GALNT18: variants seen among roughly 807,000 people sequenced by gnomAD.
GALNT18 encodes GalNAc-transferase 18.
A neutral mutation model predicts 69.5 loss-of-function variants in GALNT18; 44 were observed. The ratio of observed to expected loss-of-function variants is 0.63; its 90% CI spans 0.50 to 0.81. GALNT18 has a LOEUF of 0.81. GALNT18 is among the 40% of genes least tolerant of loss of function. GALNT18 has a pLI of 0.00. For missense variants in GALNT18, 715 were observed against 810.0 expected (o/e 0.88, Z 1.42); for synonymous variants, 364 against 318.2 (o/e 1.14, Z -1.53).
At chr11:11,381,745 G>A (rs921026403) in intron 3 of GALNT18, among the ~76,000 whole-genome samples, 1 of 152,126 alleles carries the variant, frequency 6.6e-6, no homozygotes, top group East Asian at 1.9e-4. Context: ...TGAGGCCCTC[G>A]TGGATCCTTC....
chr11:11,412,395 C>T (rs543206190), intron 3 of GALNT18, among the ~76,000 whole-genome samples: 3 of 152,172 alleles, frequency 2.0e-5, no homozygotes, highest in Non-Finnish European at 4.4e-5. Context: ...AGCTTTGGAT[C>T]CCCGATCCCT....
At chr11:11,297,733 G>A (rs776404149) in intron 9 of GALNT18, among the ~76,000 whole-genome samples, 10 of 152,110 alleles carry the variant, frequency 6.6e-5, no homozygotes, top group Non-Finnish European at 8.8e-5. Context: ...GCCTGTGGAC[G>A]TCTTACAAAC....
chr11:11,532,382 C>A (rs1011910934), intron 1 of GALNT18, among the ~76,000 whole-genome samples: 6 of 152,194 alleles, frequency 3.9e-5, no homozygotes, highest in Non-Finnish European at 1.5e-5. Flanking sequence ...GATAACTATC[C>A]TGAAGGCACA....
At position 11,494,857 on chromosome 11, in the gene GALNT18, A is replaced by G. The variant is rs567337907; in HGVS notation, c.236-45921T>C. Among the ~76,000 whole-genome samples, 2 of 152,336 alleles carry G rather than the reference A, an allele frequency of 1.3e-5. No individual in the cohort carries two copies. Among genetic ancestry groups the G allele is most frequent in the Admixed American group, 6.5e-5 (1 of 15,302 alleles). On this transcript the variant is annotated intron_variant, in intron 1 of 10. Transcript: ENST00000227756. This position sits in a 1 kb window ranked among gnomAD's most constrained non-coding sequence, Gnocchi z 5.7. ...GTATTTTAATCTTACAACTCCAACC[A>G]TGATCATCTGGGAGTGTTGCAAATC...
At chr11:11,294,696 G>T (rs1849365384) in intron 9 of GALNT18, among the ~76,000 whole-genome samples, 1 of 152,040 alleles carries the variant, frequency 6.6e-6, no homozygotes, top group Non-Finnish European at 1.5e-5. Flanking sequence ...GCTGTAGTTT[G>T]GGTCTGGTCT....
At chr11:11,357,553 T>A (rs1850557099) in intron 6 of GALNT18, among the ~76,000 whole-genome samples, 3 of 152,246 alleles carry the variant, frequency 2.0e-5, no homozygotes, top group Non-Finnish European at 4.4e-5. Flanking sequence ...TTCTTATGGC[T>A]GTGTCTAATG....
At chr11:11,478,574 A>G (rs1856451954) in intron 1 of GALNT18, among the ~76,000 whole-genome samples, 1 of 152,240 alleles carries the variant, frequency 6.6e-6, no homozygotes, top group African/African-American at 2.4e-5. Context: ...CTGGAAACCA[A>G]ATGAAATGAA....
intron 10 of GALNT18, among the ~76,000 whole-genome samples, chr11:11,283,042 C>T (rs188730554): frequency 6.6e-6 from 1 of 152,166 alleles, no homozygotes; most frequent in East Asian, 1.9e-4. Context: ...AGGAGGTGGC[C>T]CACGGCAGAA....
At chr11:11,589,729 C>G (rs1859308874) in intron 1 of GALNT18, among the ~76,000 whole-genome samples, 1 of 152,180 alleles carries the variant, frequency 6.6e-6, no homozygotes, top group South Asian at 2.1e-4. Flanking sequence ...CACTGAGCAC[C>G]ACATAAGCCA....
intron 7 of GALNT18, among the ~76,000 whole-genome samples, chr11:11,333,503 C>T (rs1056529168): frequency 3.3e-5 from 5 of 152,130 alleles, no homozygotes; most frequent in African/African-American, 1.2e-4. Context: ...AACTAATAAA[C>T]GGTGGAGCTG....
intron 3 of GALNT18, among the ~76,000 whole-genome samples, chr11:11,423,452 G>C (rs1855058434): frequency 6.6e-6 from 1 of 152,140 alleles, no homozygotes; most frequent in Non-Finnish European, 1.5e-5. Context: ...CTAAAGCATG[G>C]CTGCCAACTG....
At chr11:11,359,653 C>G (rs1387713355) in intron 6 of GALNT18, among the ~76,000 whole-genome samples, 1 of 152,168 alleles carries the variant, frequency 6.6e-6, no homozygotes, top group East Asian at 1.9e-4. Flanking sequence ...GATTTAGGCC[C>G]CAGCACTCCT....
rs971076169 is a variant in GALNT18, at chr11:11,340,339, C to T, written c.1278+480G>A. 7.9e-5 allele frequency among the ~76,000 whole-genome samples: 12 copies of T among 152,198 alleles called. No individual in the cohort carries two copies. The highest frequency in any genetic ancestry group is 1.6e-4 in the Non-Finnish European group (11 of 68,042). On this transcript the variant is annotated intron_variant, in intron 7 of 10. Coordinates refer to ENST00000227756, the MANE Select transcript of GALNT18 (RefSeq NM_198516.3). The surrounding 1 kb of genome is among the most constrained non-coding windows in gnomAD (Gnocchi z 4.2). ...GTAGGTGTGCCCCCATCCCCATACA[C>T]GTGGCTCAAGAAACCTGAAAGGCAT...
intron 3 of GALNT18, among the ~76,000 whole-genome samples, chr11:11,416,615 G>A (rs1360357047): frequency 2.0e-5 from 3 of 152,202 alleles, no homozygotes; most frequent in Non-Finnish European, 4.4e-5. Context: ...CTGGATGAGA[G>A]AAGCACGGGG....
Position 11,347,038 on chromosome 11 carries a change from C to T in GALNT18, c.1093-6034G>A. On this transcript the variant is annotated intron_variant, in intron 6 of 10. Transcript: ENST00000227756. The surrounding 1 kb of genome is among the most constrained non-coding windows in gnomAD (Gnocchi z 4.0). ...AGTGGGTTCTCAGGGAGGCTCAGAT[C>T]ACTTTCTTATCCCAGGCTGAGGAGC... Among the ~76,000 whole-genome samples the T allele has an allele frequency of 6.6e-6, 1 of 152,156 alleles. No homozygotes were observed. Among genetic ancestry groups the T allele is most frequent in the South Asian group, 2.1e-4 (1 of 4,822 alleles).
intron 1 of GALNT18, among the ~76,000 whole-genome samples, chr11:11,557,114 A>G (rs540306380): frequency 6.6e-6 from 1 of 152,238 alleles, no homozygotes; most frequent in Admixed American, 6.5e-5. Flanking sequence ...AGCTGTCTTT[A>G]TGCTGTTTTA....
At position 11,591,649 on chromosome 11, in the gene GALNT18, C is replaced by T. The variant is rs1355283430; in HGVS notation, c.235+29710G>A. 6.6e-6 allele frequency among the ~76,000 whole-genome samples: 1 copy of T among 152,128 alleles called. No homozygotes were observed. The highest frequency in any genetic ancestry group is 1.5e-5 in the Non-Finnish European group (1 of 68,012). The stretch of plus-strand genomic sequence containing the variant: ...TTTAAAACAACTTTATGGAAATGCT[C>T]CCTCCTGGGTGAATGTATGTGGTTA... On this transcript the variant is annotated intron_variant, in intron 1 of 10. Transcript: ENST00000227756. The surrounding 1 kb of genome is among the most constrained non-coding windows in gnomAD (Gnocchi z 4.8).
At chr11:11,407,643 G>T (rs34705364) in intron 3 of GALNT18, among the ~76,000 whole-genome samples, 1 of 152,188 alleles carries the variant, frequency 6.6e-6, no homozygotes, top group Non-Finnish European at 1.5e-5. Flanking sequence ...CCCAGTAACC[G>T]TGTTATCCCA....
chr11:11,469,206 C>G lies in GALNT18; in HGVS notation c.236-20270G>C, dbSNP rs536115052. Among the ~76,000 whole-genome samples, 36 of 152,222 alleles carry G rather than the reference C, an allele frequency of 2.4e-4. No individual in the cohort carries two copies. Among genetic ancestry groups the G allele is most frequent in the Admixed American group, 6.5e-4 (10 of 15,280 alleles). ...AAACATAAAGAAGCCCGTCTGCTTTCTTGCCTCTGTGAATGTCTCAGACAG... is the reference window on the plus strand; with the variant it reads ...AAACATAAAGAAGCCCGTCTGCTTTGTTGCCTCTGTGAATGTCTCAGACAG... On this transcript the variant is annotated intron_variant, in intron 1 of 10. Coordinates refer to ENST00000227756, the MANE Select transcript of GALNT18 (RefSeq NM_198516.3). This position sits in a 1 kb window ranked among gnomAD's most constrained non-coding sequence, Gnocchi z 4.2.
Sources: gnomAD v4.1 joint callset for allele counts (sites outside exome capture counted in the v4.1 genomes callset) on GRCh38, gnomAD v4.1.1 for gene constraint, Gnocchi (gnomAD v3.1) non-coding constraint, MANE v1.5 for transcripts, NCBI Gene and HGNC (gene_info 2026-07-23, HGNC 2026-07-21) for gene names.